Variants in MED12L observed in about 807,000 individuals in gnomAD.
MED12L encodes mediator complex subunit 12L, also known as mediator of RNA polymerase II transcription subunit 12-like protein.
In MED12L, 60 loss-of-function variants were observed where a neutral mutation model predicts 281.3. That is an observed-to-expected ratio of 0.21 (90% CI 0.17 to 0.26). The LOEUF is 0.26. MED12L is among the 10% of genes least tolerant of loss of function. The pLI is 1.00. For missense variants in MED12L, 2,146 were observed against 2,680.9 expected (o/e 0.80, Z 4.41); for synonymous variants, 974 against 987.2 (o/e 0.99, Z 0.25).
At position 151,369,558 on chromosome 3, in the gene MED12L, A is replaced by T; in HGVS notation, c.3664+9A>T. ...AGCAATTATGATGCTTGGTAAGATT[A>T]TTCTGACCCTAAGCTTCTTGGTTAA... On this transcript the variant is annotated intron_variant, in intron 26 of 44. Transcript: ENST00000687756. 1 of 1,557,690 alleles carries T rather than the reference A, an allele frequency of 6.4e-7. No individual in the cohort carries two copies. The highest frequency in any genetic ancestry group is 8.8e-7 in the Non-Finnish European group (1 of 1,138,170).
chr3:151,290,578 A>G (rs1684100371), intron 16 of MED12L, among the ~76,000 whole-genome samples: 1 of 151,966 alleles, frequency 6.6e-6, no homozygotes, highest in African/African-American at 2.4e-5. Context: ...AAGTTAATTT[A>G]GAAAGAACAG....
At chr3:151,327,744 A>AG in intron 16 of MED12L, 6 of 327,668 alleles carry the variant, frequency 1.8e-5, no homozygotes, top group Non-Finnish European at 3.3e-5. Context: ...TAAAAAAAAA[A>AG]AAAAAGAAAG....
chr3:151,296,131 G>T (rs1008134376), intron 16 of MED12L, among the ~76,000 whole-genome samples: 2 of 152,180 alleles, frequency 1.3e-5, no homozygotes, highest in African/African-American at 2.4e-5. Flanking sequence ...CTTGTTAAAA[G>T]TAATTGCAAC....
intron 31 of MED12L, among the ~76,000 whole-genome samples, chr3:151,379,477 A>G (rs961707053): frequency 1.3e-5 from 2 of 152,228 alleles, no homozygotes; most frequent in Admixed American, 6.5e-5. Context: ...TTTTTAACCA[A>G]ATGCCTTGAC....
chr3:151,396,756 A>C (rs60105866), intron 39 of MED12L, among the ~76,000 whole-genome samples: 46,061 of 152,052 alleles, frequency 0.3, 7,694 homozygotes, highest in Non-Finnish European at 0.38. Flanking sequence ...TGTTACTGCC[A>C]AATTAACTTT....
intron 16 of MED12L, chr3:151,338,827 G>C: frequency 6.2e-7 from 1 of 1,613,762 alleles, no homozygotes; most frequent in South Asian, 1.1e-5. Context: ...GCAGAGGTGA[G>C]GTTGTCGACG....
chr3:151,323,261 G>A (rs1560027060), intron 16 of MED12L, among the ~76,000 whole-genome samples: 1 of 152,194 alleles, frequency 6.6e-6, no homozygotes, highest in East Asian at 1.9e-4. Flanking sequence ...TACATGGAAA[G>A]CCTCTTTAAT....
chr3:151,275,601 G>A (rs373397487), intron 16 of MED12L, among the ~76,000 whole-genome samples: 99 of 152,066 alleles, frequency 6.5e-4, no homozygotes, highest in African/African-American at 2.2e-3. Flanking sequence ...TTGGTGTTTC[G>A]GTGAATTAAT....
At chr3:151,146,126 C>A (rs1010790692) in intron 5 of MED12L, among the ~76,000 whole-genome samples, 1 of 152,202 alleles carries the variant, frequency 6.6e-6, no homozygotes, top group African/African-American at 2.4e-5. Context: ...GATTTCTCCA[C>A]CCGACTCCAG....
chr3:151,411,789 C>CT (rs1425062209), intron 41 of MED12L, among the ~76,000 whole-genome samples: 12 of 151,888 alleles, frequency 7.9e-5, no homozygotes, highest in Non-Finnish European at 1.6e-4. Flanking sequence ...CTTCAGTGTT[C>CT]TTTTTTTTCC....
chr3:151,203,548 AAC>A (rs1463087991), intron 16 of MED12L, among the ~76,000 whole-genome samples: 11 of 152,086 alleles, frequency 7.2e-5, no homozygotes, highest in Non-Finnish European at 8.8e-5. Flanking sequence ...TATATATAGT[AAC>A]ACAGCATTTC....
intron 2 of MED12L, among the ~76,000 whole-genome samples, chr3:151,088,723 AC>A (rs1719606728): frequency 6.6e-6 from 1 of 152,198 alleles, no homozygotes; most frequent in South Asian, 2.1e-4. Context: ...CTTAGGGACT[AC>A]TTTCTATAAC....
chr3:151,188,511 C>A, intron 13 of MED12L, 31 bp downstream of exon 13: 1 of 1,551,690 alleles, frequency 6.4e-7, no homozygotes, highest in Non-Finnish European at 8.7e-7. Context: ...GCCTCTAGAT[C>A]TTAAATAAGG....
chr3:151,411,645 GT>G, intron 41 of MED12L, 138 bp downstream of exon 41: 1 of 712,908 alleles, frequency 1.4e-6, no homozygotes, highest in Admixed American at 2.6e-5. Flanking sequence ...CTGTCATCTC[GT>G]TTTTAGTAGT....
chr3:151,363,929 G>A (rs950642141), intron 21 of MED12L, among the ~76,000 whole-genome samples: 7 of 152,072 alleles, frequency 4.6e-5, no homozygotes, highest in African/African-American at 1.7e-4. Context: ...TTAGAATAGA[G>A]AGTCTTTGTG....
chr3:151,405,541 G>T (rs901101059), intron 39 of MED12L, among the ~76,000 whole-genome samples: 1 of 152,194 alleles, frequency 6.6e-6, no homozygotes, highest in Admixed American at 6.5e-5. Context: ...GGAGGCCAAG[G>T]TTGGAGGATC....
intron 11 of MED12L, among the ~76,000 whole-genome samples, chr3:151,171,247 G>A (rs1721391082): frequency 6.6e-6 from 1 of 152,182 alleles, no homozygotes; most frequent in Non-Finnish European, 1.5e-5. Flanking sequence ...CACTGAGCCT[G>A]TCACTTGTGA....
At chr3:151,400,722 G>A (rs1001513017) in intron 39 of MED12L, among the ~76,000 whole-genome samples, 2 of 152,032 alleles carry the variant, frequency 1.3e-5, no homozygotes, top group Admixed American at 6.6e-5. Flanking sequence ...CCCTTTGTTC[G>A]GTAATTGATC....
intron 2 of MED12L, among the ~76,000 whole-genome samples, chr3:151,115,615 G>C (rs1248850254): frequency 6.6e-6 from 1 of 151,146 alleles, no homozygotes; most frequent in Non-Finnish European, 1.5e-5. Context: ...CCAAAGTGCT[G>C]GGATTACAGG....
Sources: allele counts gnomAD v4.1 joint callset (sites outside exome capture counted in the v4.1 genomes callset), GRCh38; gene constraint gnomAD v4.1.1; transcripts MANE v1.5; gene names NCBI Gene and HGNC (gene_info 2026-07-23, HGNC 2026-07-21).